The following FAM185A variants were observed in gnomAD, a reference collection of about 807,000 sequenced individuals.
FAM185A encodes the protein family with sequence similarity 185 member A, also known as protein FAM185A.
FAM185A carries 21 observed loss-of-function variants against 45.7 expected under a neutral mutation model. The observed-to-expected ratio is 0.46, with a 90% CI of 0.33 to 0.66. The LOEUF is 0.66. Among genes scored for constraint, FAM185A ranks in the 30% least tolerant of loss-of-function variants. The probability of loss-of-function intolerance (pLI) is 0.03; values close to 1 mark genes in which losing one functional copy is unlikely to be tolerated. For missense variants in FAM185A, 305 were observed against 485.4 expected, an observed-to-expected ratio of 0.63 and a Z score of 3.49; for synonymous variants, 117 against 194.0, an observed-to-expected ratio of 0.60 and a Z score of 3.30.
intron 6 of FAM185A, among the ~76,000 whole-genome samples, chr7:102,783,563 C>A (rs549782374): frequency 1.6e-3 from 243 of 152,140 alleles, no homozygotes; most frequent in African/African-American, 5.7e-3. Flanking sequence ...GGGTACATAA[C>A]GAAATGAAGG....
intron 7 of FAM185A, among the ~76,000 whole-genome samples, chr7:102,801,306 C>T (rs991190022): frequency 2.6e-5 from 4 of 151,274 alleles, no homozygotes; most frequent in Admixed American, 1.3e-4. Context: ...ACCTATAAAA[C>T]AAAAATACAA....
intron 2 of FAM185A, chr7:102,755,150 C>T (rs1172327043): frequency 1.6e-5 from 6 of 372,386 alleles, no homozygotes; most frequent in South Asian, 1.5e-4. Context: ...CCCAAGATGC[C>T]GAAAGGAAAG....
In FAM185A at chr7:102,749,450, C is replaced by T. The variant is rs1286586649; in HGVS notation, c.243C>T (p.Leu81=). Residue 81 remains leucine (L), a synonymous_variant, in exon 1 of 8, where the codon CTC becomes CTT. Transcript: ENST00000413034. ...VSPFGRLRAR[L]PCHLAVRPLD... ...CGTTTGGTCGGCTGCGGGCGCGGCT[C>T]CCGTGCCACCTGGCCGTGAGGCCCC... 1 of 1,547,690 alleles carries T rather than the reference C, an allele frequency of 6.5e-7. No individual in the cohort carries two copies. The highest frequency in any genetic ancestry group is 2.0e-5 in the Admixed American group (1 of 50,916).
At position 102,766,340 on chromosome 7, in the gene FAM185A, T is replaced by C. The variant is rs184635880; in HGVS notation, c.793+4929T>C. Among the ~76,000 whole-genome samples, 5 of 152,386 alleles carry C rather than the reference T, an allele frequency of 3.3e-5. No individual in the cohort carries two copies. In the East Asian group the frequency reaches 9.6e-4, roughly 29 times the overall value. On this transcript the variant is annotated intron_variant, in intron 4 of 7. Transcript: ENST00000413034. The stretch of plus-strand genomic sequence containing the variant: ...ATATCTTGATAGATAAATTGCTGAG[T>C]ATTAGTTCTCTCATTTTCTCTGCAC...
chr7:102,827,603 GC>G, the FAM185A span, among the ~76,000 whole-genome samples: 1 of 151,478 alleles, frequency 6.6e-6, no homozygotes, highest in African/African-American at 2.4e-5. Context: ...GTATACATGT[GC>G]CATGTTGGTG....
At chr7:102,821,296 G>T in the FAM185A span, among the ~76,000 whole-genome samples, 1 of 152,080 alleles carries the variant, frequency 6.6e-6, no homozygotes, top group African/African-American at 2.4e-5. Flanking sequence ...ACTCCAGCTG[G>T]CTGCCCTACC....
chr7:102,833,068 T>C, the FAM185A span: 1 of 1,335,840 alleles, frequency 7.5e-7, no homozygotes, highest in Non-Finnish European at 1.0e-6. Flanking sequence ...TTTCAGTCCC[T>C]GAAATACAGA....
At chr7:102,847,871 T>C in the FAM185A span, among the ~76,000 whole-genome samples, 1 of 152,146 alleles carries the variant, frequency 6.6e-6, no homozygotes, top group Non-Finnish European at 1.5e-5. Flanking sequence ...CTGACCATCA[T>C]CTATTGGTTT....
At chr7:102,834,067 AGG>A in the FAM185A span, among the ~76,000 whole-genome samples, 85 of 119,336 alleles carry the variant, frequency 7.1e-4, no homozygotes, top group East Asian at 0.012. Flanking sequence ...GAAGGAAGGA[AGG>A]AAGGAAGGAA....
At chr7:102,785,311 C>A (rs879518858) in intron 6 of FAM185A, among the ~76,000 whole-genome samples, 3,124 of 150,486 alleles carry the variant, frequency 0.021, 43 homozygotes, top group Non-Finnish European at 0.028. Flanking sequence ...ACTTTCTTCA[C>A]AGAATTGGAA....
At position 102,758,459 on chromosome 7, in the gene FAM185A, T is replaced by TTTTTTA. The variant is rs1554364935; in HGVS notation, c.654+513_654+514insTTTTTA. Among the ~76,000 whole-genome samples, 16 of 107,464 alleles carry TTTTTTA rather than the reference T, an allele frequency of 1.5e-4. 3 individuals are homozygous for TTTTTTA. The highest frequency in any genetic ancestry group is 1.2e-3 in the East Asian group (4 of 3,324). 70.5% of individuals were successfully genotyped at this position (107,464 alleles called of 152,430 possible). A position where few individuals can be genotyped will look rare whatever the true frequency, so the allele number is the denominator to read the frequency against. ...TTTTTTTTTTTTTTTTTTTTTTTTT[T>TTTTTTA]ATAGTAGCTATTGGGATTTTTGTTG... On this transcript the variant is annotated intron_variant, in intron 3 of 7. Transcript: ENST00000413034.
the FAM185A span, among the ~76,000 whole-genome samples, chr7:102,846,484 T>C: frequency 1.3e-5 from 2 of 152,074 alleles, no homozygotes; most frequent in Admixed American, 6.6e-5. Context: ...CTGAGGATGA[T>C]GGCACATGCC....
At chr7:102,812,686 T>C (rs1797495174), downstream of FAM185A, among the ~76,000 whole-genome samples, 1 of 152,162 alleles carries the variant, frequency 6.6e-6, no homozygotes. Context: ...TGCTTTCTTT[T>C]TCCTTTCTAA....
chr7:102,823,699 T>C, the FAM185A span, among the ~76,000 whole-genome samples: 1 of 152,260 alleles, frequency 6.6e-6, no homozygotes, highest in African/African-American at 2.4e-5. Context: ...TTATTTTAAA[T>C]GTTTGAACAT....
Position 102,777,286 on chromosome 7 carries a change from A to C in FAM185A, c.869A>C (p.Asn290Thr), listed in dbSNP as rs1047217888. The part of the protein sequence containing the change: ...SSSGCLKAST[N>T]QGAIDVYVSQ... ...TCTGGATGTCTAAAAGCCTCAACTA[A>C]TCAGGGTGCCATAGATGTTTATGTC... The change falls in exon 6 of 8, where the codon AAT becomes ACT. Residue 290 changes from asparagine (N) to threonine (T), a missense_variant. This residue lies in a region of FAM185A where 9 missense variants were observed against 50.5 expected (regional missense o/e 0.18). Coordinates refer to ENST00000413034, the MANE Select transcript of FAM185A (RefSeq NM_001145268.2). 52 of 1,542,734 alleles carry C rather than the reference A, an allele frequency of 3.4e-5. No individual in the cohort carries two copies. The African/African-American group carries it at 6.5e-4, about 19-fold the overall frequency.
At chr7:102,820,559 T>C in the FAM185A span, among the ~76,000 whole-genome samples, 3 of 152,248 alleles carry the variant, frequency 2.0e-5, no homozygotes, top group African/African-American at 4.8e-5. Context: ...CTGGGTCTTC[T>C]TGACCACTCA....
chr7:102,760,986 A>G (rs550965431), intron 3 of FAM185A, among the ~76,000 whole-genome samples: 193 of 152,336 alleles, frequency 1.3e-3, no homozygotes, highest in Admixed American at 2.4e-3. Flanking sequence ...TCTAAAAGGA[A>G]TAAATCTAAT....
intron 6 of FAM185A, among the ~76,000 whole-genome samples, chr7:102,784,326 T>C (rs964047850): frequency 6.6e-6 from 1 of 151,692 alleles, no homozygotes; most frequent in African/African-American, 2.4e-5. Flanking sequence ...CCTTCCTAAC[T>C]CATTTTATGA....
At chr7:102,802,172 A>G (rs140340429) in intron 7 of FAM185A, among the ~76,000 whole-genome samples, 1,610 of 152,344 alleles carry the variant, frequency 0.011, 32 homozygotes, top group African/African-American at 0.036. Flanking sequence ...GATTTAAACT[A>G]TACCTTGGAA....
Sources: gnomAD v4.1 joint callset for allele counts (sites outside exome capture counted in the v4.1 genomes callset) on GRCh38, gnomAD v4.1.1 for gene constraint, gnomAD v4.1.1 regional missense constraint, MANE v1.5 for transcripts, NCBI Gene and HGNC (gene_info 2026-07-23, HGNC 2026-07-21) for gene names.